Variants in IST1 observed in about 807,000 individuals in gnomAD.
IST1 encodes IST1 homolog.
IST1 carries 23 observed loss-of-function variants against 37.0 expected under a neutral mutation model. The ratio of observed to expected loss-of-function variants is 0.62; its 90% confidence interval spans 0.45 to 0.88. IST1 has a LOEUF of 0.88. Among genes scored for constraint, IST1 ranks in the 40% least tolerant of loss-of-function variants. The probability of loss-of-function intolerance (pLI) is 0.00; values close to 1 mark genes in which losing one functional copy is unlikely to be tolerated. For synonymous variants in IST1, 180 were observed against 161.7 expected (o/e 1.11, Z -0.86); for missense variants, 488 against 445.4 (o/e 1.10, Z -0.86).
intron 1 of IST1, among the ~76,000 whole-genome samples, chr16:71,904,897 A>G (rs1184878528): frequency 1.3e-5 from 2 of 151,918 alleles, no homozygotes; most frequent in Non-Finnish European, 2.9e-5. Flanking sequence ...TAATTTTTGA[A>G]TGTTTGAGTT....
At chr16:71,898,749 C>T (rs955416975) in intron 1 of IST1, among the ~76,000 whole-genome samples, 1 of 151,104 alleles carries the variant, frequency 6.6e-6, no homozygotes, top group Non-Finnish European at 1.5e-5. Flanking sequence ...GAGGCCAAGG[C>T]GGGCAGATCA....
At chr16:71,901,562 G>C (rs79265425) in intron 1 of IST1, among the ~76,000 whole-genome samples, 5,774 of 152,156 alleles carry the variant, frequency 0.038, 335 homozygotes, top group African/African-American at 0.13. Flanking sequence ...TAATGTACTG[G>C]TAATCATTTA....
chr16:71,895,857 G>T (rs901106114), intron 1 of IST1, among the ~76,000 whole-genome samples: 1 of 152,210 alleles, frequency 6.6e-6, no homozygotes, highest in East Asian at 1.9e-4. Flanking sequence ...GATCCTCGAA[G>T]CCCCTTAACT....
chr16:71,922,481 C>T lies in IST1; in HGVS notation c.560C>T (p.Ala187Val). The change falls in exon 7 of 10, where the codon GCT (alanine) becomes GTT (valine). Residue 187 changes from alanine (A) to valine (V), a missense_variant. Around this residue, in one of 2 missense-constraint regions of IST1, gnomAD observed 455 missense variants for 386.2 expected, o/e 1.18. Transcript: ENST00000378799. Reference sequence around the variant, plus strand: ...TTTCTCTTTTTTTCTCAGGCAGAAGCTCCTCCTGGGGTAGAGACAGATCTT... The same window carrying T: ...TTTCTCTTTTTTTCTCAGGCAGAAGTTCCTCCTGGGGTAGAGACAGATCTT... ...YEPDSVVMAEAPPGVETDLID... is the reference protein window; with the variant it reads ...YEPDSVVMAEVPPGVETDLID... 6.2e-7 allele frequency: 1 copy of T among 1,613,932 alleles called. No individual in the cohort carries two copies. The highest frequency in any genetic ancestry group is 1.3e-5 in the African/African-American group (1 of 75,044).
chr16:71,915,738 G>A lies in IST1; in HGVS notation c.88+10G>A. 1.9e-6 allele frequency: 3 copies of A among 1,565,214 alleles called. No individual in the cohort carries two copies. The highest frequency in any genetic ancestry group is 2.2e-5 in the South Asian group (2 of 89,428). ...TTGGAGAAAAAGAAAAGTGAGTAGT[G>A]TACTTTTTTTCCCCAAAAATAAATC... On this transcript the variant is annotated intron_variant, in intron 2 of 9. Transcript: ENST00000378799.
chr16:71,894,837 G>C (rs1393332515), upstream of IST1: 1 of 1,533,664 alleles, frequency 6.5e-7, no homozygotes, highest in Non-Finnish European at 8.7e-7. Context: ...CAGCGATAAT[G>C]GTTTTCAAGT....
intron 1 of IST1, among the ~76,000 whole-genome samples, chr16:71,896,667 G>A (rs1441338313): frequency 6.6e-6 from 1 of 152,150 alleles, no homozygotes; most frequent in East Asian, 1.9e-4. Context: ...GGGATAGGGG[G>A]ACTTGGTAAT....
intron 1 of IST1, among the ~76,000 whole-genome samples, chr16:71,898,790 A>C (rs935294887): frequency 6.6e-6 from 1 of 151,984 alleles, no homozygotes; most frequent in Non-Finnish European, 1.5e-5. Flanking sequence ...CAGCCTGGTC[A>C]ACATGGCGAA....
At position 71,896,096 on chromosome 16, in the gene IST1, G is replaced by GT. The variant is rs1329928690; in HGVS notation, c.-16+508dup. On this transcript the variant is annotated intron_variant, in intron 1 of 9. Transcript: ENST00000378799. Reference sequence around the variant, plus strand: ...TCCTGGGTTGGGGGAACGGACTTGGGTCCACTTTGGCCTGAGAAAATTACA... The same window carrying GT: ...TCCTGGGTTGGGGGAACGGACTTGGGTTCCACTTTGGCCTGAGAAAATTACA... 2.0e-5 allele frequency among the ~76,000 whole-genome samples: 3 copies of GT among 152,340 alleles called. No individual in the cohort carries two copies. In the East Asian group the frequency reaches 5.8e-4, roughly 29 times the overall value.
At chr16:71,923,442 A>G (rs2037659582) in intron 8 of IST1, 62 bp downstream of exon 8, 19 of 1,049,570 alleles carry the variant, frequency 1.8e-5, no homozygotes, top group Non-Finnish European at 1.2e-5. Flanking sequence ...AGCGAGCAAA[A>G]TAATGACCAC....
chr16:71,900,018 T>C (rs74527218), intron 1 of IST1, among the ~76,000 whole-genome samples: 1 of 146,104 alleles, frequency 6.8e-6, no homozygotes, highest in Non-Finnish European at 1.5e-5. Context: ...AAAAAAAAAT[T>C]AGCTGGGCGT....
In IST1 at chr16:71,924,782, A is replaced by G; in HGVS notation, c.866A>G (p.Asn289Ser). The stretch of plus-strand genomic sequence containing the variant: ...TTTGTGTTTCAGGTAGATGACATTA[A>G]TGCTGATAAGAATATCTCTTCTGCA... ...PPSYESVDDI[N>S]ADKNISSAQI... The change falls in exon 9 of 10, where the codon AAT becomes AGT. Residue 289 changes from asparagine to serine, a missense_variant. Asn to Ser is a conservative substitution (Grantham distance 46). Around this residue, in one of 2 missense-constraint regions of IST1, gnomAD observed 455 missense variants for 386.2 expected, o/e 1.18. Coordinates refer to ENST00000378799, the MANE Select transcript of IST1 (RefSeq NM_001270975.2). 6.2e-7 allele frequency: 1 copy of G among 1,609,990 alleles called. No individual in the cohort carries two copies. The highest frequency in any genetic ancestry group is 8.5e-7 in the Non-Finnish European group (1 of 1,176,140).
At chr16:71,894,947 T>C (rs11075908), upstream of IST1, 725,653 of 951,900 alleles carry the variant, frequency 0.76, 279,331 homozygotes, top group East Asian at 0.97. Flanking sequence ...TACTGAATTA[T>C]ACCACACAGA....
chr16:71,928,090 G>A lies in IST1; in HGVS notation c.*277G>A, dbSNP rs553064272. ...GTGATCCCAGGTTTCCTCCTGGCCC[G>A]TCCCATGGTCCCTCCACAGGAGTGT... On this transcript the variant is annotated 3_prime_UTR_variant, in exon 10 of 10. Transcript: ENST00000378799. 8 of 414,980 alleles carry A rather than the reference G, an allele frequency of 1.9e-5. No homozygotes were observed. The highest frequency in any genetic ancestry group is 3.6e-5 in the Admixed American group (1 of 27,616). 25.7% of individuals were successfully genotyped at this position (414,980 alleles called of 1,614,324 possible).
At chr16:71,925,523 T>G (rs992685305) in intron 9 of IST1, among the ~76,000 whole-genome samples, 3 of 149,710 alleles carry the variant, frequency 2.0e-5, no homozygotes, top group Admixed American at 2.0e-4. Context: ...ACCACGTTGG[T>G]CAGGCTGGTC....
At chr16:71,898,634 G>C (rs1348538487) in intron 1 of IST1, among the ~76,000 whole-genome samples, 2 of 143,688 alleles carry the variant, frequency 1.4e-5, no homozygotes, top group Non-Finnish European at 3.0e-5. Flanking sequence ...CCAAGATCCA[G>C]CTTGGGCCAC....
At chr16:71,921,537 A>C (rs2037584831) in intron 6 of IST1, 84 bp downstream of exon 6, 3 of 792,548 alleles carry the variant, frequency 3.8e-6, no homozygotes, top group Non-Finnish European at 6.4e-6. Context: ...CTTTGCACTA[A>C]CTTAAATTTG....
intron 2 of IST1, among the ~76,000 whole-genome samples, chr16:71,916,019 C>T (rs754091053): frequency 5.3e-5 from 8 of 151,798 alleles, no homozygotes; most frequent in African/African-American, 1.5e-4. Flanking sequence ...TTAGTAGAGA[C>T]GGGATTTCAC....
chr16:71,908,648 G>A (rs2037282174), intron 1 of IST1, among the ~76,000 whole-genome samples: 1 of 152,164 alleles, frequency 6.6e-6, no homozygotes, highest in Non-Finnish European at 1.5e-5. Flanking sequence ...GTCTCAGGTT[G>A]ATGTGTGAGT....
Sources: gnomAD v4.1 joint callset for allele counts (sites outside exome capture counted in the v4.1 genomes callset) on GRCh38, gnomAD v4.1.1 for gene constraint, gnomAD v4.1.1 regional missense constraint, MANE v1.5 for transcripts, NCBI Gene and HGNC (gene_info 2026-07-23, HGNC 2026-07-21) for gene names.